The following ILRUN variants were observed in gnomAD, a reference collection of about 807,000 sequenced individuals.
The protein encoded by ILRUN is inflammation and lipid regulator with UBA-like and NBR1-like domains, also known as protein ILRUN.
Under a neutral mutation model 33.8 loss-of-function variants are expected in ILRUN, and 3 were observed. The ratio of observed to expected loss-of-function variants is 0.09; its 90% CI spans 0.04 to 0.23. The LOEUF is 0.23. ILRUN is among the 10% of genes least tolerant of loss of function. The pLI is 1.00. For missense variants in ILRUN, 210 were observed against 375.1 expected (o/e 0.56, Z 3.64); for synonymous variants, 124 against 138.9 (o/e 0.89, Z 0.75).
intron 3 of ILRUN, among the ~76,000 whole-genome samples, chr6:34,640,674 C>T (rs1478237777): frequency 6.6e-6 from 1 of 151,864 alleles, no homozygotes; most frequent in East Asian, 1.9e-4. Context: ...CACGCCACTG[C>T]ACTCCAGGCT....
intron 1 of ILRUN, among the ~76,000 whole-genome samples, chr6:34,690,177 C>T (rs900157856): frequency 1.3e-5 from 2 of 152,020 alleles, no homozygotes; most frequent in Non-Finnish European, 2.9e-5. Context: ...GATTAAAATG[C>T]GGGCCGGGCA....
At chr6:34,612,677 C>T (rs1190260095) in intron 3 of ILRUN, among the ~76,000 whole-genome samples, 1 of 152,100 alleles carries the variant, frequency 6.6e-6, no homozygotes, top group African/African-American at 2.4e-5. Context: ...GAGGCCAAAG[C>T]AGGTGGATCA....
At chr6:34,609,515 TA>T (rs1383510268) in intron 3 of ILRUN, among the ~76,000 whole-genome samples, 1 of 151,900 alleles carries the variant, frequency 6.6e-6, no homozygotes, top group African/African-American at 2.4e-5. Flanking sequence ...GGTGGAATCT[TA>T]AAGTATCATA....
chr6:34,623,343 A>G (rs934594817), intron 3 of ILRUN, among the ~76,000 whole-genome samples: 1 of 152,238 alleles, frequency 6.6e-6, no homozygotes, highest in Non-Finnish European at 1.5e-5. Context: ...ATTAGAAGTC[A>G]GATCTTTTTT....
At chr6:34,686,855 C>T in intron 1 of ILRUN, 1 of 684 alleles carries the variant, frequency 1.5e-3, no homozygotes, top group Non-Finnish European at 2.2e-3. Flanking sequence ...ACTCGGGAGG[C>T]TGAGGCAGGA....
At chr6:34,605,318 CAAAAAAAAAAAA>C (rs78612898) in intron 4 of ILRUN, among the ~76,000 whole-genome samples, 41 of 74,148 alleles carry the variant, frequency 5.5e-4, no homozygotes, top group South Asian at 1.8e-3. Context: ...AAAACAAAAA[CAAAAAAAAAAAA>C]AAAAAAAAAA....
At chr6:34,674,955 C>T (rs1455407408) in intron 1 of ILRUN, among the ~76,000 whole-genome samples, 1 of 152,062 alleles carries the variant, frequency 6.6e-6, no homozygotes, top group African/African-American at 2.4e-5. Flanking sequence ...CCCTGAATAA[C>T]TGGACATGCG....
intron 2 of ILRUN, among the ~76,000 whole-genome samples, chr6:34,647,522 T>C (rs1239225276): frequency 6.6e-6 from 1 of 151,190 alleles, no homozygotes; most frequent in Non-Finnish European, 1.5e-5. Flanking sequence ...GGAAGGAGGG[T>C]CAATCAGACC....
intron 4 of ILRUN, among the ~76,000 whole-genome samples, chr6:34,601,153 T>C (rs1761499071): frequency 6.6e-6 from 1 of 152,214 alleles, no homozygotes; most frequent in South Asian, 2.1e-4. Context: ...GTCATAAGCT[T>C]GGTAGAACTA....
chr6:34,631,006 A>G lies in ILRUN; in HGVS notation c.511+15595T>C, dbSNP rs140423440. Among the ~76,000 whole-genome samples, 668 of 152,302 alleles carry G rather than the reference A, an allele frequency of 4.4e-3. 4 individuals are homozygous for G. The highest frequency in any genetic ancestry group is 6.8e-3 in the Middle Eastern group (2 of 294). Reference sequence around the variant, plus strand: ...TTAGAATTTCCATCTCCCTGCTTACATTATCCATCTGTTCTTTCATGTTGT... The same window carrying G: ...TTAGAATTTCCATCTCCCTGCTTACGTTATCCATCTGTTCTTTCATGTTGT... On this transcript the variant is annotated intron_variant, in intron 3 of 4. Transcript: ENST00000374023.
At position 34,606,759 on chromosome 6, in the gene ILRUN, G is replaced by C; in HGVS notation, c.657C>G (p.Asn219Lys). 1.2e-6 allele frequency: 2 copies of C among 1,614,106 alleles called. No individual in the cohort carries two copies. Among genetic ancestry groups the C allele is most frequent in the Admixed American group, 1.7e-5 (1 of 60,006 alleles). ...TTAAGTTGTTTTCATCTGATTGTCG[G>C]TTCTTTTGGGGAGAGGCAAAAGGGT... Reference protein sequence around the residue: ...NFNPFASPQKNRQSDENNLKD... With the variant: ...NFNPFASPQKKRQSDENNLKD... The change falls in exon 4 of 5, where the codon AAC becomes AAG. Residue 219 changes from asparagine to lysine, a missense_variant. Around this residue, in one of 4 missense-constraint regions of ILRUN, gnomAD observed 81 missense variants for 97.0 expected, o/e 0.84. Transcript: ENST00000374023.
At chr6:34,671,134 C>G (rs1388307310) in intron 1 of ILRUN, among the ~76,000 whole-genome samples, 1 of 151,950 alleles carries the variant, frequency 6.6e-6, no homozygotes, top group Non-Finnish European at 1.5e-5. Flanking sequence ...AGCACAGAGG[C>G]TGGGGTCCGG....
chr6:34,653,970 CAAA>C (rs34498804), intron 2 of ILRUN, among the ~76,000 whole-genome samples: 6 of 81,046 alleles, frequency 7.4e-5, no homozygotes, highest in Non-Finnish European at 8.1e-5. Flanking sequence ...GATGCTGTCT[CAAA>C]AAAAAAAAAA....
At chr6:34,671,343 G>A (rs1356062164) in intron 1 of ILRUN, among the ~76,000 whole-genome samples, 1 of 152,190 alleles carries the variant, frequency 6.6e-6, no homozygotes, top group Non-Finnish European at 1.5e-5. Context: ...CCATGATCGC[G>A]CCGCTGCGCT....
rs141484656 is a variant in ILRUN, at chr6:34,596,949, C to T, written c.862-6349G>A. Among the ~76,000 whole-genome samples, 614 of 152,150 alleles carry T rather than the reference C, an allele frequency of 4.0e-3. 2 individuals carry two copies. The highest frequency in any genetic ancestry group is 0.014 in the Middle Eastern group (4 of 294). ...ATTTATCCTCCCTTCACCCATTCAT[C>T]CAACCCTTCATCATTCATCCCTCCA... On this transcript the variant is annotated intron_variant, in intron 4 of 4. Coordinates refer to ENST00000374023, the MANE Select transcript of ILRUN (RefSeq NM_024294.4).
intron 1 of ILRUN, among the ~76,000 whole-genome samples, chr6:34,689,942 T>C (rs1220377136): frequency 1.3e-5 from 2 of 152,058 alleles, no homozygotes; most frequent in Admixed American, 6.6e-5. Flanking sequence ...CAACCTAGGA[T>C]GTTGCAATAC....
At chr6:34,684,842 G>A (rs531526087) in intron 1 of ILRUN, among the ~76,000 whole-genome samples, 6 of 152,306 alleles carry the variant, frequency 3.9e-5, no homozygotes, top group Admixed American at 3.9e-4. Flanking sequence ...TCACTACAAA[G>A]ATACGCCAGG....
chr6:34,660,906 T>C (rs556013242), intron 1 of ILRUN, among the ~76,000 whole-genome samples: 1 of 152,310 alleles, frequency 6.6e-6, no homozygotes, highest in East Asian at 1.9e-4. Flanking sequence ...AACCTAAAAA[T>C]GTACTCGCAG....
chr6:34,663,330 G>C (rs542039746), intron 1 of ILRUN, among the ~76,000 whole-genome samples: 2 of 152,260 alleles, frequency 1.3e-5, no homozygotes, highest in African/African-American at 4.8e-5. Context: ...GGCTGAAGTG[G>C]AAAGATCACT....
Sources: allele counts gnomAD v4.1 joint callset (sites outside exome capture counted in the v4.1 genomes callset), GRCh38; gene constraint gnomAD v4.1.1; regional missense constraint gnomAD v4.1.1; transcripts MANE v1.5; gene names NCBI Gene and HGNC (gene_info 2026-07-23, HGNC 2026-07-21).